The following ANK3 variants were observed in gnomAD, a reference collection of about 807,000 sequenced individuals.
The protein encoded by ANK3 is ankyrin 3.
In ANK3, 57 loss-of-function variants were observed where a neutral mutation model predicts 370.9. The ratio of observed to expected loss-of-function variants is 0.15; its 90% CI spans 0.12 to 0.19. ANK3 has a LOEUF of 0.19. Among genes scored for constraint, ANK3 ranks in the 10% least tolerant of loss-of-function variants. The probability of loss-of-function intolerance (pLI) is 1.00; values close to 1 mark genes in which losing one functional copy is unlikely to be tolerated. For synonymous variants in ANK3, 1,929 were observed against 1,946.3 expected (o/e 0.99, Z 0.23); for missense variants, 4,439 against 5,302.1 (o/e 0.84, Z 5.06).
intron 1 of ANK3, among the ~76,000 whole-genome samples, chr10:60,318,650 G>A (rs1057510622): frequency 6.6e-6 from 1 of 152,100 alleles, no homozygotes; most frequent in African/African-American, 2.4e-5. Flanking sequence ...AGGCCATTGG[G>A]GAGAGGAGGG....
intron 7 of ANK3, among the ~76,000 whole-genome samples, chr10:60,240,110 A>AC (rs1491366063): frequency 1.3e-4 from 7 of 54,570 alleles, no homozygotes; most frequent in African/African-American, 2.2e-4. Flanking sequence ...ACATAAATAC[A>AC]TATATATACA....
chr10:60,172,846 G>A (rs1221960213), intron 20 of ANK3, 54 bp downstream of exon 20: 1 of 1,176,450 alleles, frequency 8.5e-7, no homozygotes, highest in African/African-American at 1.5e-5. Context: ...AGACACCAGA[G>A]TCCAGGCCCA....
At chr10:60,139,591 G>A (rs2094482591) in intron 23 of ANK3, 1 of 153,456 alleles carries the variant, frequency 6.5e-6, no homozygotes, top group Non-Finnish European at 1.4e-5. Context: ...AAACTAGCAA[G>A]TTATGTGAAC....
chr10:60,313,974 T>C (rs574568841), intron 1 of ANK3, among the ~76,000 whole-genome samples: 49 of 151,464 alleles, frequency 3.2e-4, no homozygotes, highest in Non-Finnish European at 5.7e-4. Flanking sequence ...TCTGAACTTA[T>C]ATGTAGCTCT....
intron 1 of ANK3, among the ~76,000 whole-genome samples, chr10:60,634,534 G>A (rs2078526174): frequency 6.6e-6 from 1 of 151,990 alleles, no homozygotes; most frequent in South Asian, 2.1e-4. Flanking sequence ...CTGTAAAATG[G>A]GCCAATCAGC....
At chr10:60,490,380 G>A (rs998967985) in intron 2 of ANK3, among the ~76,000 whole-genome samples, 9 of 152,188 alleles carry the variant, frequency 5.9e-5, no homozygotes, top group South Asian at 4.1e-4. Context: ...AAAGTTTGAC[G>A]ACCACTGCTC....
At chr10:60,703,288 T>G (rs7895020) in intron 1 of ANK3, among the ~76,000 whole-genome samples, 26 of 152,298 alleles carry the variant, frequency 1.7e-4, no homozygotes, top group Middle Eastern at 3.4e-3. Flanking sequence ...GTTAGGTTTT[T>G]GGGGTTTTTT....
At chr10:60,494,669 T>C (rs2075607975) in intron 2 of ANK3, among the ~76,000 whole-genome samples, 1 of 152,176 alleles carries the variant, frequency 6.6e-6, no homozygotes, top group Non-Finnish European at 1.5e-5. Context: ...GTGACCAGTT[T>C]TATTTTTTAT....
At chr10:60,206,422 G>A (rs1309115880) in intron 10 of ANK3, among the ~76,000 whole-genome samples, 1 of 152,150 alleles carries the variant, frequency 6.6e-6, no homozygotes, top group South Asian at 2.1e-4. Context: ...GCAGTGAGCC[G>A]AGATTGTGCC....
In ANK3 at chr10:60,075,753, G is replaced by C. The variant is rs754927734; in HGVS notation, c.5128C>G (p.His1710Asp). The C allele has an allele frequency of 1.2e-6, 2 of 1,614,024 alleles. No individual in the cohort carries two copies. Among genetic ancestry groups the C allele is most frequent in the African/African-American group, 2.7e-5 (2 of 74,928 alleles). ...LSSPVKQMPG[H>D]AEVALVNGSI... ...CCATTGACTAATGCTACCTCTGCAT[G>C]TCCAGGCATCTGCTTCACAGGTGAT... The change falls in exon 37 of 44, where the codon CAT becomes GAT. Residue 1710 changes from histidine (H) to aspartate (D), a missense_variant. By Grantham distance (81) the His-to-Asp change is moderately conservative. This residue lies in a region of ANK3 where 679 missense variants were observed against 791.0 expected (regional missense o/e 0.86). Coordinates refer to ENST00000280772, the MANE Select transcript of ANK3 (RefSeq NM_020987.5).
At chr10:60,411,182 T>C (rs1372884505) in intron 2 of ANK3, among the ~76,000 whole-genome samples, 1 of 152,084 alleles carries the variant, frequency 6.6e-6, no homozygotes, top group Non-Finnish European at 1.5e-5. Context: ...TTATGTTAGA[T>C]TTGGAGGTTG....
chr10:60,385,991 G>A (rs2062228296), intron 1 of ANK3, among the ~76,000 whole-genome samples: 1 of 152,188 alleles, frequency 6.6e-6, no homozygotes, highest in South Asian at 2.1e-4. Flanking sequence ...AACAACGACA[G>A]TCAATGTGCT....
At chr10:60,519,142 A>T (rs977011880) in intron 2 of ANK3, among the ~76,000 whole-genome samples, 2 of 152,190 alleles carry the variant, frequency 1.3e-5, no homozygotes, top group African/African-American at 4.8e-5. Flanking sequence ...TGCAATATCT[A>T]TGGAGCTGAG....
chr10:60,334,000 T>C (rs2052139482), intron 1 of ANK3, among the ~76,000 whole-genome samples: 1 of 152,176 alleles, frequency 6.6e-6, no homozygotes, highest in African/African-American at 2.4e-5. Flanking sequence ...TATTGGTTAG[T>C]TGTGTTTCAT....
chr10:60,577,101 T>C (rs2077692204), intron 2 of ANK3, among the ~76,000 whole-genome samples: 1 of 152,234 alleles, frequency 6.6e-6, no homozygotes. Flanking sequence ...GGTATTTACT[T>C]TGCACTACTT....
intron 12 of ANK3, among the ~76,000 whole-genome samples, chr10:60,202,295 A>AT (rs2096693469): frequency 6.6e-6 from 1 of 151,308 alleles, no homozygotes; most frequent in Non-Finnish European, 1.5e-5. Context: ...CTAATTTTGT[A>AT]TTTTTTAGTA....
intron 1 of ANK3, among the ~76,000 whole-genome samples, chr10:60,380,182 T>C (rs2061372271): frequency 6.6e-6 from 1 of 152,214 alleles, no homozygotes; most frequent in African/African-American, 2.4e-5. Flanking sequence ...TCAATTTATT[T>C]ATTACATCCA....
Position 60,071,588 on chromosome 10 carries a change from A to G in ANK3, c.9293T>C (p.Phe3098Ser). 1 of 1,613,924 alleles carries G rather than the reference A, an allele frequency of 6.2e-7. No homozygotes were observed. Among genetic ancestry groups the G allele is most frequent in the South Asian group, 1.1e-5 (1 of 91,056 alleles). The change falls in exon 37 of 44, where the codon TTT becomes TCT. Residue 3098 changes from phenylalanine to serine, a missense_variant. By Grantham distance (155) the Phe-to-Ser change is radical. Coordinates refer to ENST00000280772, the MANE Select transcript of ANK3 (RefSeq NM_020987.5). ...EIKTLPVYVS[F>S]VQVGKQYEKE... Reference sequence around the variant, plus strand: ...TTCATATTGCTTCCCCACTTGTACAAAACTGACATAAACGGGTAAAGTTTT... The same window carrying G: ...TTCATATTGCTTCCCCACTTGTACAGAACTGACATAAACGGGTAAAGTTTT...
At chr10:60,233,523 C>G (rs762975751) in intron 8 of ANK3, among the ~76,000 whole-genome samples, 1 of 152,138 alleles carries the variant, frequency 6.6e-6, no homozygotes, top group East Asian at 1.9e-4. Context: ...CCTTGAACTC[C>G]TGGGCTCAAG....
Sources: allele counts gnomAD v4.1 joint callset (sites outside exome capture counted in the v4.1 genomes callset), GRCh38; gene constraint gnomAD v4.1.1; regional missense constraint gnomAD v4.1.1; transcripts MANE v1.5; gene names NCBI Gene and HGNC (gene_info 2026-07-23, HGNC 2026-07-21).